COL6A5: variants seen among roughly 807,000 people sequenced by gnomAD.
The protein encoded by COL6A5 is collagen alpha-5(VI) chain.
COL6A5 carries 48 observed loss-of-function variants against 65.6 expected under a neutral mutation model. That is an observed-to-expected ratio of 0.73 (90% CI 0.58 to 0.93). COL6A5 has a LOEUF of 0.93. Ranked by LOEUF, COL6A5 falls within the 40% of genes least tolerant of loss-of-function variation. The pLI, the probability that COL6A5 is intolerant of heterozygous loss-of-function variation, is 0.00. For synonymous variants in COL6A5, 291 were observed against 322.8 expected, an observed-to-expected ratio of 0.90 and a Z score of 1.05; for missense variants, 914 against 928.3, an observed-to-expected ratio of 0.98 and a Z score of 0.20.
chr3:130,360,324 G>A (rs908200328), intron 1 of COL6A5, among the ~76,000 whole-genome samples: 2 of 152,104 alleles, frequency 1.3e-5, no homozygotes, highest in African/African-American at 4.8e-5. Flanking sequence ...TTAATAAAAT[G>A]ATAATAATTT....
intron 7 of COL6A5, among the ~76,000 whole-genome samples, chr3:130,475,433 G>A (rs993164962): frequency 2.6e-5 from 4 of 152,092 alleles, no homozygotes; most frequent in African/African-American, 9.7e-5. Flanking sequence ...AAACCATGAA[G>A]GCTAGAAGAC....
At position 130,406,325 on chromosome 3, in the gene COL6A5, A is replaced by G. The variant is rs749762486; in HGVS notation, c.4479+4A>G. On this transcript the variant is annotated splice_donor_region_variant and intron_variant and NMD_transcript_variant, in intron 17 of 41. Coordinates refer to the COL6A5 transcript ENST00000312481. ...AAAAGGTGATCCAGGATCTCAGGTA[A>G]CACTTTTCTTTTCAATACTTCAAAG... The G allele has an allele frequency of 1.7e-5, 26 of 1,546,654 alleles. No homozygotes were observed. In the South Asian group the frequency reaches 3.0e-4, roughly 18 times the overall value.
At chr3:130,369,673 G>A (rs947988155) in intron 1 of COL6A5, among the ~76,000 whole-genome samples, 2 of 152,200 alleles carry the variant, frequency 1.3e-5, no homozygotes, top group African/African-American at 4.8e-5. Flanking sequence ...GCAATCAAAA[G>A]AAGGGACATG....
chr3:130,408,632 C>T (rs191078168), intron 17 of COL6A5, among the ~76,000 whole-genome samples: 70 of 152,156 alleles, frequency 4.6e-4, no homozygotes, highest in East Asian at 3.9e-4. Flanking sequence ...ACACCACTCC[C>T]CTTTTGAAAC....
intron 6 of COL6A5, among the ~76,000 whole-genome samples, chr3:130,390,475 G>A (rs1284862849): frequency 6.6e-6 from 1 of 152,144 alleles, no homozygotes; most frequent in Non-Finnish European, 1.5e-5. Flanking sequence ...AGTTATTGAG[G>A]GAAGGAAAAG....
At chr3:130,446,351 G>A (rs1709304002) in intron 4 of COL6A5, among the ~76,000 whole-genome samples, 1 of 152,146 alleles carries the variant, frequency 6.6e-6, no homozygotes, top group Non-Finnish European at 1.5e-5. Context: ...GTAAATCAGT[G>A]TGAGAGGAAA....
chr3:130,373,195 A>G (rs1420646263), intron 1 of COL6A5, among the ~76,000 whole-genome samples: 2 of 152,222 alleles, frequency 1.3e-5, no homozygotes, highest in Non-Finnish European at 2.9e-5. Flanking sequence ...TTGCGAGGAC[A>G]GTAATTTTGT....
Position 130,449,278 on chromosome 3 carries a change from A to G in COL6A5, c.1332+5712A>G, listed in dbSNP as rs191886310. ...CTTTTATAGTAACTGGGAGGGGTTT[A>G]GTAATCCCTTCATGCTTTGGACTGA... On this transcript the variant is annotated intron_variant, in intron 4 of 7. Transcript: ENST00000512836. Among the ~76,000 whole-genome samples, 836 of 152,280 alleles carry G rather than the reference A, an allele frequency of 5.5e-3. 2 individuals are homozygous for G. Among genetic ancestry groups the G allele is most frequent in the South Asian group, 0.02 (98 of 4,828 alleles).
Position 130,471,670 on chromosome 3 carries a change from C to A in COL6A5, c.2328+703C>A. On this transcript the variant is annotated intron_variant, in intron 7 of 7. Coordinates refer to ENST00000512836, the Ensembl canonical transcript of COL6A5. ...CTAACTAATTTTTTATCTCTCTTCT[C>A]TATTACCTCAGACTTCTTCCTGGGA... 6 of 1,533,298 alleles carry A rather than the reference C, an allele frequency of 3.9e-6. No homozygotes were observed. The highest frequency in any genetic ancestry group is 5.2e-6 in the Non-Finnish European group (6 of 1,145,378). The allele number at this position is 1,533,298 out of a possible 1,614,324, so 95.0% of individuals were successfully genotyped here.
At chr3:130,381,577 A>G (rs985457349) in intron 4 of COL6A5, among the ~76,000 whole-genome samples, 17 of 152,118 alleles carry the variant, frequency 1.1e-4, no homozygotes, top group African/African-American at 3.1e-4. Context: ...TGAATCTGCT[A>G]TAGTTTTACT....
chr3:130,420,810 G>C (rs1937503012), intron 25 of COL6A5, among the ~76,000 whole-genome samples: 1 of 151,914 alleles, frequency 6.6e-6, no homozygotes, highest in African/African-American at 2.4e-5. Flanking sequence ...TATGTCTATT[G>C]ACTATTTGTA....
At chr3:130,382,366 A>G (rs1318819928) in intron 4 of COL6A5, among the ~76,000 whole-genome samples, 3 of 152,148 alleles carry the variant, frequency 2.0e-5, no homozygotes, top group Non-Finnish European at 4.4e-5. Context: ...GCTCACCTAC[A>G]GATATAGCAT....
chr3:130,394,274 G>A (rs530966567), intron 7 of COL6A5, among the ~76,000 whole-genome samples: 5 of 152,252 alleles, frequency 3.3e-5, no homozygotes, highest in African/African-American at 1.2e-4. Flanking sequence ...AAATTTAAGA[G>A]TAAAAAGGAT....
chr3:130,374,860 C>T (rs1441049029), intron 2 of COL6A5, among the ~76,000 whole-genome samples: 4 of 152,022 alleles, frequency 2.6e-5, no homozygotes, highest in Admixed American at 6.6e-5. Flanking sequence ...TGTGTATGTC[C>T]GTGTCTGTGT....
Position 130,406,034 on chromosome 3 carries a change from T to C in COL6A5, c.4380+15T>C, listed in dbSNP as rs1244797440. The C allele has an allele frequency of 6.4e-7, 1 of 1,551,300 alleles. No individual in the cohort carries two copies. Among genetic ancestry groups the C allele is most frequent in the East Asian group, 2.4e-5 (1 of 40,918 alleles). ...CTGGACCTAAGGTACTGGAGTTTTT[T>C]CTTAGTTTAATTTGATTTCCAAATG... On this transcript the variant is annotated intron_variant and NMD_transcript_variant, in intron 15 of 41. Coordinates refer to the COL6A5 transcript ENST00000312481.
At chr3:130,403,036 A>G (rs1056497385) in intron 12 of COL6A5, among the ~76,000 whole-genome samples, 1 of 152,186 alleles carries the variant, frequency 6.6e-6, no homozygotes, top group African/African-American at 2.4e-5. Flanking sequence ...TTCCAGAAGC[A>G]CAACCCCCCT....
exon 7 of COL6A5, chr3:130,391,538 G>T: frequency 1.2e-5 from 19 of 1,551,660 alleles, no homozygotes; most frequent in Non-Finnish European, 1.7e-5. Flanking sequence ...CATCACCGAT[G>T]GGGAATCCCA....
At chr3:130,453,295 A>C (rs1428337968) in intron 4 of COL6A5, among the ~76,000 whole-genome samples, 1 of 152,156 alleles carries the variant, frequency 6.6e-6, no homozygotes, top group African/African-American at 2.4e-5. Context: ...GAAATTATAA[A>C]AGTATTAATT....
intron 1 of COL6A5, among the ~76,000 whole-genome samples, chr3:130,370,201 C>T (rs1256650492): frequency 6.6e-6 from 1 of 152,178 alleles, no homozygotes; most frequent in African/African-American, 2.4e-5. Flanking sequence ...GGGACCCCTA[C>T]TATTATATCT....
Sources: gnomAD v4.1 joint callset for allele counts (sites outside exome capture counted in the v4.1 genomes callset) on GRCh38, gnomAD v4.1.1 for gene constraint, MANE v1.5 for transcripts, NCBI Gene and HGNC (gene_info 2026-07-23, HGNC 2026-07-21) for gene names.